The following PFKL variants were observed in gnomAD, a reference collection of about 807,000 sequenced individuals.
The protein encoded by PFKL is phosphofructokinase, liver type.
PFKL carries 74 observed loss-of-function variants against 92.1 expected under a neutral mutation model. That is an observed-to-expected ratio of 0.80 (90% CI 0.67 to 0.97). PFKL has a LOEUF of 0.97. PFKL is among the 50% of genes least tolerant of loss of function. The pLI is 0.00. For synonymous variants in PFKL, 494 were observed against 456.4 expected (o/e 1.08, Z -1.05); for missense variants, 1,028 against 1,116.6 (o/e 0.92, Z 1.13).
In PFKL at chr21:44,326,200, G is replaced by A. The variant is rs530675453; in HGVS notation, c.2131G>A (p.Gly711Ser). 6 of 1,613,054 alleles carry A rather than the reference G, an allele frequency of 3.7e-6. No individual in the cohort carries two copies. The highest frequency in any genetic ancestry group is 4.2e-6 in the Non-Finnish European group (5 of 1,179,824). ...ANAPDSACVI[G>S]LKKKAVAFSP... The stretch of plus-strand genomic sequence containing the variant: ...TGCCCCAGACTCGGCCTGCGTGATC[G>A]GCCTGAAGAAGAAGGCGGTGGCCTT... Residue 711 changes from glycine to serine, a missense_variant, in exon 21 of 22, where the codon GGC (glycine) becomes AGC (serine). Gly to Ser is a moderately conservative substitution (Grantham distance 56, BLOSUM62 0). Transcript: ENST00000349048.
intron 2 of PFKL, 100 bp downstream of exon 2, chr21:44,306,854 C>T (rs2040963009): frequency 9.1e-7 from 1 of 1,097,504 alleles, no homozygotes; most frequent in Non-Finnish European, 1.4e-6. Flanking sequence ...ACGGGGTGGT[C>T]CTGGCCTGGA....
At chr21:44,322,923 G>A (rs756440052) in intron 14 of PFKL, 39 bp from the exon 15 acceptor site, 39 of 1,448,196 alleles carry the variant, frequency 2.7e-5, no homozygotes, top group Admixed American at 5.1e-5. Flanking sequence ...ACGCGTCCCC[G>A]GGTGCTGCGT....
intron 2 of PFKL, among the ~76,000 whole-genome samples, chr21:44,308,462 T>C (rs547317601): frequency 6.9e-4 from 105 of 152,204 alleles, no homozygotes; most frequent in African/African-American, 2.4e-3. Context: ...CTGGCATTCA[T>C]TGTGAATAGG....
chr21:44,307,169 GT>G, intron 2 of PFKL: 10 of 558,472 alleles, frequency 1.8e-5, no homozygotes, highest in Non-Finnish European at 2.3e-5. Flanking sequence ...CTCTGCCCTT[GT>G]CCTCCCCAGC....
chr21:44,308,189 G>T (rs2041007133), intron 2 of PFKL, among the ~76,000 whole-genome samples: 1 of 152,166 alleles, frequency 6.6e-6, no homozygotes. Flanking sequence ...GCTGTGAGGG[G>T]CATTTACATC....
At chr21:44,306,618 G>GT (rs1220815705) in intron 1 of PFKL, 63 bp from the exon 2 acceptor site, 4 of 1,454,274 alleles carry the variant, frequency 2.8e-6, no homozygotes, top group African/African-American at 2.8e-5. Flanking sequence ...CTCTGAGATG[G>GT]GGAGGGTGTC....
chr21:44,323,971 G>C (rs2047427773), intron 16 of PFKL, 53 bp downstream of exon 16: 1 of 1,601,650 alleles, frequency 6.2e-7, no homozygotes, highest in African/African-American at 1.3e-5. Flanking sequence ...GTGGGGTGGG[G>C]CTGAGCCTAC....
intron 16 of PFKL, 122 bp from the exon 17 acceptor site, chr21:44,324,369 T>G (rs572333750): frequency 4.4e-5 from 43 of 969,306 alleles, no homozygotes; most frequent in African/African-American, 1.3e-4. Flanking sequence ...CTGCTGGCTG[T>G]CTGGGTGCGT....
chr21:44,326,778 A>G lies in PFKL; in HGVS notation c.2259A>G (p.Gln753=). 6.2e-7 allele frequency: 1 copy of G among 1,610,900 alleles called. No individual in the cohort carries two copies. Among genetic ancestry groups the G allele is most frequent in the Non-Finnish European group, 8.5e-7 (1 of 1,179,106 alleles). Residue 753 remains glutamine, a synonymous_variant, in exon 22 of 22, where the codon CAA becomes CAG. Transcript: ENST00000349048. ...SLRLMLKMLA[Q]YRISMAAYVS... ...GGCTCATGCTGAAGATGCTGGCACA[A>G]TACCGCATCAGTATGGCCGCCTACG...
chr21:44,308,696 G>A (rs1342091957), intron 2 of PFKL, among the ~76,000 whole-genome samples: 1 of 151,826 alleles, frequency 6.6e-6, no homozygotes, highest in Admixed American at 6.6e-5. Context: ...TGAGTAGCTG[G>A]GATTACAGGC....
At chr21:44,300,270 G>A (rs1056847880) in intron 1 of PFKL, 80 bp downstream of exon 1, 7 of 665,816 alleles carry the variant, frequency 1.1e-5, no homozygotes, top group Non-Finnish European at 1.3e-5. Context: ...CGCCCGCCGA[G>A]CCCCGGGACC....
At chr21:44,318,630 G>A (rs1429232427) in intron 10 of PFKL, 35 bp downstream of exon 10, 1 of 1,437,962 alleles carries the variant, frequency 7.0e-7, no homozygotes, top group Non-Finnish European at 9.2e-7. Context: ...GAACCGCCTG[G>A]CCCCTCTCCC....
Position 44,321,712 on chromosome 21 carries a change from T to C in PFKL, c.1192-17T>C. On this transcript the variant is annotated splice_polypyrimidine_tract_variant and intron_variant, in intron 12 of 21. Transcript: ENST00000349048. ...TCCCCGGCTGTGCCTCACGCTCATCTCCCCTTCTCTCTGAAGTCTAACTTC... is the reference window on the plus strand; with the variant it reads ...TCCCCGGCTGTGCCTCACGCTCATCCCCCCTTCTCTCTGAAGTCTAACTTC... The C allele has an allele frequency of 6.5e-7, 1 of 1,535,398 alleles. No homozygotes were observed. The highest frequency in any genetic ancestry group is 8.8e-7 in the Non-Finnish European group (1 of 1,140,486).
At chr21:44,319,303 G>A in intron 10 of PFKL, 48 bp from the exon 11 acceptor site, 2 of 1,520,992 alleles carry the variant, frequency 1.3e-6, no homozygotes, top group East Asian at 2.3e-5. Context: ...AGCCATGGGT[G>A]TGCGGGCCAG....
At chr21:44,307,560 C>A (rs1412976095) in intron 2 of PFKL, among the ~76,000 whole-genome samples, 1 of 152,362 alleles carries the variant, frequency 6.6e-6, no homozygotes, top group Admixed American at 6.5e-5. Context: ...CCCCACCCCC[C>A]TCACTGCTCA....
At chr21:44,304,871 C>T (rs2040886702) in intron 1 of PFKL, among the ~76,000 whole-genome samples, 1 of 152,020 alleles carries the variant, frequency 6.6e-6, no homozygotes, top group Admixed American at 6.6e-5. Context: ...GCCGTGCTCC[C>T]ATCTATGTGG....
rs368756268 is a variant in PFKL at position 44,313,488 on chromosome 21, A to G, written c.594-150A>G. The G allele has an allele frequency of 8.1e-5, 61 of 749,724 alleles. 1 individual carries two copies. The East Asian group carries it at 9.2e-4, about 11-fold the overall frequency. 46.4% of individuals were successfully genotyped at this position (749,724 alleles called of 1,614,324 possible). A position where few individuals can be genotyped will look rare whatever the true frequency, so the allele number is the denominator to read the frequency against. ...CAGCCCAAAGGCTGGAAGGATCCCA[A>G]GGTATCTTTTAGCTCAGAGCCTGGG... On this transcript the variant is annotated intron_variant, in intron 5 of 21. Coordinates refer to ENST00000349048, the MANE Select transcript of PFKL (RefSeq NM_002626.6).
chr21:44,305,857 G>A, intron 1 of PFKL: 1 of 1,366,434 alleles, frequency 7.3e-7, no homozygotes, highest in Non-Finnish European at 9.8e-7. Flanking sequence ...CTGCAGTCCT[G>A]GGAGCCGAGG....
At chr21:44,304,385 T>G in intron 1 of PFKL, 1 of 1,266,804 alleles carries the variant, frequency 7.9e-7, no homozygotes, top group South Asian at 1.3e-5. Flanking sequence ...AGAGGCCCTG[T>G]GGTTGGACGG....
Sources: allele counts gnomAD v4.1 joint callset (sites outside exome capture counted in the v4.1 genomes callset), GRCh38; gene constraint gnomAD v4.1.1; transcripts MANE v1.5; gene names NCBI Gene and HGNC (gene_info 2026-07-23, HGNC 2026-07-21).